THRB: variants seen among roughly 807,000 people sequenced by gnomAD.
THRB encodes the protein nuclear receptor subfamily 1 group A member 2.
A neutral mutation model predicts 47.8 loss-of-function variants in THRB; 12 were observed. The ratio of observed to expected loss-of-function variants is 0.25; its 90% CI spans 0.16 to 0.41. The LOEUF is 0.41. THRB is among the 10% of genes least tolerant of loss of function. The probability of loss-of-function intolerance (pLI) is 1.00; values close to 1 mark genes in which losing one functional copy is unlikely to be tolerated. For missense variants in THRB, 348 were observed against 589.2 expected (o/e 0.59, Z 4.24); for synonymous variants, 218 against 212.2 (o/e 1.03, Z -0.24).
intron 1 of THRB, among the ~76,000 whole-genome samples, chr3:24,361,762 G>A (rs2064084740): frequency 6.6e-6 from 1 of 152,158 alleles, no homozygotes; most frequent in African/African-American, 2.4e-5. Context: ...CTAATGATGT[G>A]AAGCTGGGTG....
chr3:24,285,583 TAAAAA>T, intron 3 of THRB, among the ~76,000 whole-genome samples: 1 of 147,274 alleles, frequency 6.8e-6, no homozygotes, highest in African/African-American at 2.5e-5. Flanking sequence ...AAAGTATAAT[TAAAAA>T]AAAAAGCCAT....
Position 24,184,775 on chromosome 3 carries a change from T to C in THRB, c.283+5299A>G, listed in dbSNP as rs11916818. ...TGGGACTGCAGATCCTGATGTATGA[T>C]GAGTGGGGCAGAGTAGAGAGCAGAG... On this transcript the variant is annotated intron_variant, in intron 5 of 10. Transcript: ENST00000646209. 5.2e-3 allele frequency among the ~76,000 whole-genome samples: 784 copies of C among 152,220 alleles called. 6 individuals are homozygous for C. The highest frequency in any genetic ancestry group is 0.018 in the African/African-American group (749 of 41,524).
At chr3:24,243,472 G>A (rs528991128) in intron 3 of THRB, among the ~76,000 whole-genome samples, 10 of 151,874 alleles carry the variant, frequency 6.6e-5, no homozygotes, top group East Asian at 5.8e-4. Flanking sequence ...GGCCTTTTGC[G>A]TCAGGATTTT....
intron 3 of THRB, among the ~76,000 whole-genome samples, chr3:24,275,702 C>G (rs1204976284): frequency 2.0e-5 from 3 of 152,172 alleles, no homozygotes; most frequent in Non-Finnish European, 1.5e-5. Context: ...GGCTTCTTTT[C>G]TGTCCCCTTC....
In THRB at chr3:24,326,756, C is replaced by CTTT. The variant is rs1174687260; in HGVS notation, c.-189+10541_-189+10543dup. Among the ~76,000 whole-genome samples, 244 of 49,978 alleles carry CTTT rather than the reference C, an allele frequency of 4.9e-3. 58 individuals carry two copies. Among genetic ancestry groups the CTTT allele is most frequent in the African/African-American group, 0.022 (215 of 9,624 alleles). The allele number at this position is 49,978 out of a possible 152,430, so 32.8% of individuals were successfully genotyped here. On this transcript the variant is annotated intron_variant, in intron 2 of 10. Coordinates refer to ENST00000646209, the MANE Select transcript of THRB (RefSeq NM_001354712.2). ...TTCACTAGAAGCTGTCCAGTCTTGT[C>CTTT]TTTTTTTTTTTTTTTTTTTTTTTTT...
At chr3:24,135,820 C>CATATAT (rs34338818) in intron 8 of THRB, among the ~76,000 whole-genome samples, 6,915 of 98,224 alleles carry the variant, frequency 0.07, 219 homozygotes, top group Non-Finnish European at 0.082. Flanking sequence ...GGCAGAGAGT[C>CATATAT]ATATATATAT....
At chr3:24,209,179 GA>G (rs1293966925) in intron 4 of THRB, among the ~76,000 whole-genome samples, 3 of 152,206 alleles carry the variant, frequency 2.0e-5, no homozygotes, top group African/African-American at 7.2e-5. Flanking sequence ...AAAAGGTCAG[GA>G]AACAACAGAT....
At chr3:24,287,427 T>A (rs2055425994) in intron 3 of THRB, among the ~76,000 whole-genome samples, 1 of 152,226 alleles carries the variant, frequency 6.6e-6, no homozygotes, top group Non-Finnish European at 1.5e-5. Flanking sequence ...TTATGAGCAA[T>A]GTAGGCCAAG....
Position 24,494,716 on chromosome 3 carries a change from C to T in THRB, c.-325G>A, listed in dbSNP as rs888794879. 2.6e-5 allele frequency: 4 copies of T among 152,336 alleles called. No individual in the cohort carries two copies. Among genetic ancestry groups the T allele is most frequent in the African/African-American group, 9.7e-5 (4 of 41,432 alleles). 9.4% of individuals were successfully genotyped at this position (152,336 alleles called of 1,614,324 possible). A position where few individuals can be genotyped will look rare whatever the true frequency, so the allele number is the denominator to read the frequency against. On this transcript the variant is annotated 5_prime_UTR_variant, in exon 1 of 11. Coordinates refer to ENST00000646209, the MANE Select transcript of THRB (RefSeq NM_001354712.2). ...GCCCTGGAGCCGGTTGGGTTGAGCG[C>T]CCCTGCCCGGGGAAGGTAGCCTGCG...
intron 5 of THRB, among the ~76,000 whole-genome samples, chr3:24,181,011 G>T (rs1016571344): frequency 6.6e-6 from 1 of 152,134 alleles, no homozygotes; most frequent in African/African-American, 2.4e-5. Context: ...ATGTGAAGAG[G>T]GAAGAAGCCT....
At chr3:24,209,603 C>T (rs148770986) in intron 4 of THRB, among the ~76,000 whole-genome samples, 4,655 of 152,232 alleles carry the variant, frequency 0.031, 219 homozygotes, top group African/African-American at 0.1. Flanking sequence ...CATGTTCTCA[C>T]TCAAAGGTGG....
chr3:24,303,752 A>G (rs1375445150), intron 2 of THRB, among the ~76,000 whole-genome samples: 1 of 152,232 alleles, frequency 6.6e-6, no homozygotes, highest in African/African-American at 2.4e-5. Flanking sequence ...TTTGGTGGAT[A>G]GTCTTTATCA....
intron 1 of THRB, among the ~76,000 whole-genome samples, chr3:24,339,458 A>C (rs1214822929): frequency 6.6e-6 from 1 of 152,236 alleles, no homozygotes; most frequent in Non-Finnish European, 1.5e-5. Flanking sequence ...AGAAGAGGCC[A>C]GCCAAGAATC....
intron 3 of THRB, among the ~76,000 whole-genome samples, chr3:24,246,649 C>T (rs991992991): frequency 6.6e-6 from 1 of 152,142 alleles, no homozygotes; most frequent in Non-Finnish European, 1.5e-5. Flanking sequence ...TCTGTTGGGA[C>T]TTCAACTAAC....
At chr3:24,443,790 A>G (rs1379358002) in intron 1 of THRB, among the ~76,000 whole-genome samples, 1 of 152,200 alleles carries the variant, frequency 6.6e-6, no homozygotes, top group African/African-American at 2.4e-5. Context: ...GATACTCATA[A>G]TATCCTCACA....
At chr3:24,256,214 G>C (rs2051263151) in intron 3 of THRB, among the ~76,000 whole-genome samples, 1 of 152,126 alleles carries the variant, frequency 6.6e-6, no homozygotes, top group Non-Finnish European at 1.5e-5. Flanking sequence ...AGGGAGATGA[G>C]GTCTAGAAAA....
chr3:24,366,371 AC>A (rs1158714824), intron 1 of THRB, among the ~76,000 whole-genome samples: 2 of 151,898 alleles, frequency 1.3e-5, no homozygotes, highest in African/African-American at 4.8e-5. Flanking sequence ...CTTCATCGTT[AC>A]CCCCATGCTT....
chr3:24,229,471 T>C (rs998315299), intron 3 of THRB, among the ~76,000 whole-genome samples: 1 of 152,184 alleles, frequency 6.6e-6, no homozygotes, highest in Non-Finnish European at 1.5e-5. Context: ...GTGATTCATG[T>C]GCACTTTCAA....
chr3:24,359,198 G>A (rs1332942195), intron 1 of THRB, among the ~76,000 whole-genome samples: 1 of 152,104 alleles, frequency 6.6e-6, no homozygotes, highest in Non-Finnish European at 1.5e-5. Flanking sequence ...GTGAAGTTCA[G>A]TTGGTGGCTG....
Sources: gnomAD v4.1 joint callset for allele counts (sites outside exome capture counted in the v4.1 genomes callset) on GRCh38, gnomAD v4.1.1 for gene constraint, MANE v1.5 for transcripts, NCBI Gene and HGNC (gene_info 2026-07-23, HGNC 2026-07-21) for gene names.